The following PKD1L3 variants were observed in gnomAD, a reference collection of about 807,000 sequenced individuals.
The protein encoded by PKD1L3 is polycystin-1-like protein 3.
Under a neutral mutation model 184.1 loss-of-function variants are expected in PKD1L3, and 239 were observed. That is an observed-to-expected ratio of 1.30 (90% CI 1.17 to 1.45). The LOEUF (loss-of-function observed/expected upper bound fraction) is 1.45, where lower values mean the gene tolerates loss of function less well. Among genes scored for constraint, PKD1L3 ranks in the 40% most tolerant of loss-of-function variants. The pLI, the probability that PKD1L3 is intolerant of heterozygous loss-of-function variation, is 0.00. For synonymous variants in PKD1L3, 996 were observed against 778.8 expected (o/e 1.28, Z -4.64); for missense variants, 2,660 against 2,067.2 (o/e 1.29, Z -5.56).
chr16:71,949,269 T>A (rs1429011960), intron 21 of PKD1L3, among the ~76,000 whole-genome samples: 1 of 152,134 alleles, frequency 6.6e-6, no homozygotes, highest in Non-Finnish European at 1.5e-5. Flanking sequence ...TCCTCAATCC[T>A]TTTCTGCCAT....
rs2038665505 is a variant in PKD1L3 at position 71,947,544 on chromosome 16, T to C, written c.3666A>G (p.Pro1222=). 1 of 1,548,092 alleles carries C rather than the reference T, an allele frequency of 6.5e-7. No homozygotes were observed. The highest frequency in any genetic ancestry group is 2.0e-5 in the Admixed American group (1 of 50,962). The change falls in exon 22 of 30, where the codon CCA becomes CCG. Residue 1222 remains proline, a synonymous_variant. Transcript: ENST00000620267. ...GTTGTTCATTCTCTTTGTTAAGCCG[T>C]GGCATCCTGCTCATCATCAGTGAGT... ...FLYSLMMSRM[P]RLNKENEQQT...
intron 12 of PKD1L3, among the ~76,000 whole-genome samples, chr16:71,970,925 G>A (rs1009165101): frequency 5.9e-5 from 9 of 152,184 alleles, no homozygotes; most frequent in Non-Finnish European, 1.3e-4. Flanking sequence ...ACAGTATAAT[G>A]CCATTTGCCC....
At chr16:71,968,856 A>G (rs991224585) in intron 13 of PKD1L3, among the ~76,000 whole-genome samples, 13 of 151,878 alleles carry the variant, frequency 8.6e-5, no homozygotes, top group Non-Finnish European at 1.8e-4. Flanking sequence ...TCGGCCTCCC[A>G]GTGTGCTGGG....
At chr16:71,960,069 C>CT (rs2039211063) in intron 16 of PKD1L3, among the ~76,000 whole-genome samples, 2 of 151,888 alleles carry the variant, frequency 1.3e-5, no homozygotes, top group South Asian at 4.1e-4. Context: ...CTACAGTGAG[C>CT]TGTGATCCAT....
chr16:71,987,796 G>A (rs1021253799), intron 4 of PKD1L3, among the ~76,000 whole-genome samples: 1 of 152,164 alleles, frequency 6.6e-6, no homozygotes, highest in African/African-American at 2.4e-5. Context: ...GAGGCACTGT[G>A]TCTGATGGAG....
chr16:71,991,816 T>C (rs1367678331), intron 3 of PKD1L3, among the ~76,000 whole-genome samples: 1 of 152,196 alleles, frequency 6.6e-6, no homozygotes, highest in Non-Finnish European at 1.5e-5. Context: ...AATTTCTGAA[T>C]TACAAAAAAC....
chr16:71,931,117 T>G (rs2037944998), intron 28 of PKD1L3: 1 of 152,248 alleles, frequency 6.6e-6, no homozygotes. Context: ...TTTTTTACTT[T>G]ATGTTTACTG....
At chr16:71,929,877 A>G in intron 29 of PKD1L3, 175 bp downstream of exon 29, 2 of 984,034 alleles carry the variant, frequency 2.0e-6, no homozygotes, top group Non-Finnish European at 2.9e-6. Flanking sequence ...ATAGAATATT[A>G]TGTAGTCTTA....
At chr16:71,986,914 A>ATTTTTTTTTTTTTTTTTTTTTTT (rs71153694) in intron 4 of PKD1L3, among the ~76,000 whole-genome samples, 1 of 81,366 alleles carries the variant, frequency 1.2e-5, no homozygotes, top group African/African-American at 5.6e-5. Flanking sequence ...TAAGGAGAGG[A>ATTTTTTTTTTTTTTTTTTTTTTT]TTTTTTTTTT....
intron 24 of PKD1L3, among the ~76,000 whole-genome samples, chr16:71,939,829 A>G (rs1315888341): frequency 6.6e-6 from 1 of 152,204 alleles, no homozygotes; most frequent in Non-Finnish European, 1.5e-5. Flanking sequence ...TTTAACTCCA[A>G]TCCCTTACAA....
intron 25 of PKD1L3, among the ~76,000 whole-genome samples, chr16:71,935,793 A>G (rs1567488368): frequency 6.6e-6 from 1 of 152,142 alleles, no homozygotes; most frequent in Non-Finnish European, 1.5e-5. Context: ...CAATAATACA[A>G]AAGTTTCTTT....
chr16:71,948,552 T>C (rs1354545077), intron 21 of PKD1L3, among the ~76,000 whole-genome samples: 1 of 152,176 alleles, frequency 6.6e-6, no homozygotes, highest in East Asian at 1.9e-4. Flanking sequence ...GATCCTTAGA[T>C]GTGAAACCTC....
intron 6 of PKD1L3, among the ~76,000 whole-genome samples, chr16:71,982,593 C>T (rs889731712): frequency 6.6e-6 from 1 of 151,112 alleles, no homozygotes; most frequent in Non-Finnish European, 1.5e-5. Context: ...CCTATGATTG[C>T]TTTTTAAAAT....
Position 71,967,286 on chromosome 16 carries a change from T to C in PKD1L3, c.2316A>G (p.Gly772=), listed in dbSNP as rs571981037. The C allele has an allele frequency of 2.0e-4, 304 of 1,551,448 alleles. 3 individuals carry two copies. In the South Asian group the frequency reaches 3.5e-3, roughly 18 times the overall value. Reference sequence around the variant, plus strand: ...CACAGAGGTGATGGGGCTCACTCCGTCCCTCTGATCCATAGAGGGTGATGA... The same window carrying C: ...CACAGAGGTGATGGGGCTCACTCCGCCCCTCTGATCCATAGAGGGTGATGA... ...KVVITLYGSE[G]RSEPHHLCDP... Residue 772 remains glycine, a synonymous_variant, in exon 15 of 30, where the codon GGA becomes GGG. Transcript: ENST00000620267.
At chr16:71,977,572 T>C (rs2039980628) in intron 10 of PKD1L3, 105 bp from the exon 11 acceptor site, 1 of 940,072 alleles carries the variant, frequency 1.1e-6, no homozygotes, top group South Asian at 1.8e-5. Flanking sequence ...TTTTTTTTTT[T>C]TTTTTTTTGA....
At chr16:71,994,586 T>G (rs2040714346) in intron 2 of PKD1L3, among the ~76,000 whole-genome samples, 1 of 152,194 alleles carries the variant, frequency 6.6e-6, no homozygotes, top group African/African-American at 2.4e-5. Flanking sequence ...ATTGGCCTCA[T>G]GAACTATTGC....
chr16:71,947,218 T>C (rs571754552), intron 22 of PKD1L3, among the ~76,000 whole-genome samples: 5 of 152,130 alleles, frequency 3.3e-5, no homozygotes, highest in East Asian at 3.9e-4. Context: ...GAACACATCA[T>C]TGCACTCCAG....
In PKD1L3 at chr16:71,954,131, C is replaced by T; in HGVS notation, c.2783G>A (p.Ser928Asn). 3.2e-6 allele frequency: 5 copies of T among 1,546,892 alleles called. No homozygotes were observed. The highest frequency in any genetic ancestry group is 4.4e-6 in the Non-Finnish European group (5 of 1,145,192). The change falls in exon 17 of 30, where the codon AGC becomes AAC. Residue 928 changes from serine (S) to asparagine (N), a missense_variant. Transcript: ENST00000620267. ...VINVMFWKIN[S>N]TTAKRDEQMR... ...TTGCTCATCTCTCTTGGCAGTGGTG[C>T]TGTTTATCTTCCAGAACATAACATT...
intron 2 of PKD1L3, among the ~76,000 whole-genome samples, chr16:71,997,187 G>C (rs1178983435): frequency 6.6e-6 from 1 of 152,132 alleles, no homozygotes; most frequent in African/African-American, 2.4e-5. Flanking sequence ...TATGAATAAA[G>C]CTGCTATAAG....
Sources: allele counts gnomAD v4.1 joint callset (sites outside exome capture counted in the v4.1 genomes callset), GRCh38; gene constraint gnomAD v4.1.1; transcripts MANE v1.5; gene names NCBI Gene and HGNC (gene_info 2026-07-23, HGNC 2026-07-21).